The following DAPK1 variants were observed in gnomAD, a reference collection of about 807,000 sequenced individuals.
The protein encoded by DAPK1 is death associated protein kinase 1, also known as death-associated protein kinase 1.
DAPK1 carries 56 observed loss-of-function variants against 144.9 expected under a neutral mutation model. The ratio of observed to expected loss-of-function variants is 0.39; its 90% CI spans 0.31 to 0.48. DAPK1 has a LOEUF of 0.48. Ranked by LOEUF, DAPK1 falls within the 20% of genes least tolerant of loss-of-function variation. DAPK1 has a pLI of 0.95. For missense variants in DAPK1, 1,454 were observed against 1,875.4 expected, an observed-to-expected ratio of 0.78 and a Z score of 4.15; for synonymous variants, 690 against 749.0, an observed-to-expected ratio of 0.92 and a Z score of 1.29.
At chr9:87,509,292 T>A (rs1253024608) in intron 2 of DAPK1, among the ~76,000 whole-genome samples, 1 of 152,252 alleles carries the variant, frequency 6.6e-6, no homozygotes, top group Non-Finnish European at 1.5e-5. Flanking sequence ...TAAAAAGTTA[T>A]TTATTACCTT....
At position 87,668,577 on chromosome 9, in the gene DAPK1, A is replaced by T. The variant is rs1180032710; in HGVS notation, c.1924-20A>T. ...CTCTCCTTTTCAGAGAAAAGAAACT[A>T]ATGCATTTTTCTCCAACAGGACGGA... On this transcript the variant is annotated intron_variant, in intron 18 of 25. Transcript: ENST00000408954. 7 of 1,129,300 alleles carry T rather than the reference A, an allele frequency of 6.2e-6. No individual in the cohort carries two copies. The South Asian group carries it at 8.6e-5, about 14-fold the overall frequency. The allele number at this position is 1,129,300 out of a possible 1,614,324, so 70.0% of individuals were successfully genotyped here.
At chr9:87,576,896 G>A (rs1398036651) in intron 2 of DAPK1, among the ~76,000 whole-genome samples, 1 of 152,152 alleles carries the variant, frequency 6.6e-6, no homozygotes, top group East Asian at 1.9e-4. Flanking sequence ...AATAGAAATG[G>A]CAGTGCCCTC....
intron 18 of DAPK1, among the ~76,000 whole-genome samples, chr9:87,662,560 G>GTTTTTTTTTTTTTTTTTCTTTTTTT (rs1830889587): frequency 3.1e-5 from 1 of 32,154 alleles, no homozygotes; most frequent in Non-Finnish European, 5.1e-5. Context: ...TATATTCCTA[G>GTTTTTTTTTTTTTTTTTCTTTTTTT]TTTTTTTTTT....
rs1202800284 is a variant in DAPK1, at chr9:87,651,571, G to A, written c.1671G>A (p.Met557Ile). Residue 557 changes from methionine to isoleucine, a missense_variant, in exon 17 of 26, where the codon ATG (methionine) becomes ATA (isoleucine). Physicochemically the swap from Met to Ile is conservative, Grantham distance 10. Around this residue, in one of 2 missense-constraint regions of DAPK1, gnomAD observed 1,025 missense variants for 1,237.9 expected, o/e 0.83. Transcript: ENST00000408954. Reference sequence around the variant, plus strand: ...ATCTGGCTGTAAGACGGTGTCAGATGGAGGTAATCAAGACTCTCCTCAGCC... The same window carrying A: ...ATCTGGCTGTAAGACGGTGTCAGATAGAGGTAATCAAGACTCTCCTCAGCC... ...ALHLAVRRCQ[M>I]EVIKTLLSQG... is the part of the protein sequence containing the mutation. The A allele has an allele frequency of 1.2e-6, 2 of 1,614,078 alleles. No homozygotes were observed. Among genetic ancestry groups the A allele is most frequent in the Non-Finnish European group, 1.7e-6 (2 of 1,180,042 alleles).
intron 2 of DAPK1, among the ~76,000 whole-genome samples, chr9:87,576,164 G>A (rs559090231): frequency 2.6e-5 from 4 of 152,248 alleles, no homozygotes; most frequent in South Asian, 4.2e-4. Context: ...GTACACACAC[G>A]TGCACACACG....
At chr9:87,576,584 GTCTC>G (rs962571622) in intron 2 of DAPK1, among the ~76,000 whole-genome samples, 1 of 152,068 alleles carries the variant, frequency 6.6e-6, no homozygotes, top group Non-Finnish European at 1.5e-5. Flanking sequence ...TTGAGACGGA[GTCTC>G]TCTCTATTTC....
intron 3 of DAPK1, among the ~76,000 whole-genome samples, chr9:87,628,773 C>T (rs1220701031): frequency 6.6e-6 from 1 of 152,116 alleles, no homozygotes; most frequent in East Asian, 1.9e-4. Flanking sequence ...TACTTAAACC[C>T]CAAGGAGAGC....
chr9:87,614,319 AGT>A (rs1228764144), intron 3 of DAPK1, among the ~76,000 whole-genome samples: 2 of 152,210 alleles, frequency 1.3e-5, no homozygotes, highest in Admixed American at 6.5e-5. Flanking sequence ...TCATAACTTT[AGT>A]ATCTGCCATG....
intron 2 of DAPK1, among the ~76,000 whole-genome samples, chr9:87,502,625 G>A (rs1286696032): frequency 6.6e-6 from 1 of 152,074 alleles, no homozygotes; most frequent in Non-Finnish European, 1.5e-5. Flanking sequence ...CTTTCCTATT[G>A]CACCATCTGA....
At chr9:87,525,985 T>C (rs1327688785) in intron 2 of DAPK1, among the ~76,000 whole-genome samples, 1 of 152,096 alleles carries the variant, frequency 6.6e-6, no homozygotes, top group Non-Finnish European at 1.5e-5. Context: ...TTTACTGATT[T>C]CTACTAGATT....
chr9:87,636,310 A>C (rs543152717), intron 3 of DAPK1, among the ~76,000 whole-genome samples: 173 of 152,274 alleles, frequency 1.1e-3, no homozygotes, highest in African/African-American at 3.9e-3. Context: ...TGGACTGCTC[A>C]CAGGAGGGTG....
intron 2 of DAPK1, among the ~76,000 whole-genome samples, chr9:87,504,005 C>T (rs2118024403): frequency 6.6e-6 from 1 of 152,304 alleles, no homozygotes; most frequent in East Asian, 1.9e-4. Context: ...CTTCTCTAGA[C>T]CGGTTTACTG....
chr9:87,498,729 G>A lies in DAPK1; in HGVS notation c.-108-241G>A, dbSNP rs945958267. ...GGTTCTGATCCCAACAGACCGCCCA[G>A]CGTTTGGGGACGCCGACCTCGGGGT... On this transcript the variant is annotated intron_variant, in intron 1 of 25. Coordinates refer to ENST00000408954, the MANE Select transcript of DAPK1 (RefSeq NM_004938.4). 1.4e-5 allele frequency: 6 copies of A among 433,186 alleles called. No individual in the cohort carries two copies. The South Asian group carries it at 2.4e-4, about 17-fold the overall frequency. The allele number at this position is 433,186 out of a possible 1,614,324, so 26.8% of individuals were successfully genotyped here.
intron 16 of DAPK1, 68 bp from the exon 17 acceptor site, chr9:87,651,459 A>C: frequency 6.7e-7 from 1 of 1,493,188 alleles, no homozygotes; most frequent in Non-Finnish European, 9.3e-7. Flanking sequence ...TGGCGGCAGA[A>C]AAGGTGAAGA....
intron 18 of DAPK1, among the ~76,000 whole-genome samples, chr9:87,665,431 C>CA (rs1427721535): frequency 2.6e-5 from 4 of 152,172 alleles, no homozygotes; most frequent in African/African-American, 9.7e-5. Flanking sequence ...TGTAGGTTAA[C>CA]AAAAAATCCA....
At chr9:87,540,183 C>CTTTTT (rs33925780) in intron 2 of DAPK1, among the ~76,000 whole-genome samples, 30 of 66,184 alleles carry the variant, frequency 4.5e-4, no homozygotes, top group African/African-American at 1.3e-3. Flanking sequence ...TTGTTAATCT[C>CTTTTT]TTTTTTTTTT....
intron 2 of DAPK1, among the ~76,000 whole-genome samples, chr9:87,550,858 T>C (rs969622405): frequency 2.0e-5 from 3 of 152,238 alleles, no homozygotes; most frequent in Non-Finnish European, 2.9e-5. Flanking sequence ...GGTGCCGTTT[T>C]TGGCTGTCGT....
chr9:87,588,323 G>A (rs997991235), intron 2 of DAPK1, among the ~76,000 whole-genome samples: 1 of 152,162 alleles, frequency 6.6e-6, no homozygotes, highest in African/African-American at 2.4e-5. Flanking sequence ...CTTGAATATA[G>A]ACACAGCGGT....
intron 2 of DAPK1, among the ~76,000 whole-genome samples, chr9:87,577,218 C>T (rs1367982255): frequency 6.6e-6 from 1 of 152,138 alleles, no homozygotes; most frequent in Non-Finnish European, 1.5e-5. Flanking sequence ...TTTTCATCAT[C>T]GCCTGGAAAC....
Sources: allele counts gnomAD v4.1 joint callset (sites outside exome capture counted in the v4.1 genomes callset), GRCh38; gene constraint gnomAD v4.1.1; regional missense constraint gnomAD v4.1.1; transcripts MANE v1.5; gene names NCBI Gene and HGNC (gene_info 2026-07-23, HGNC 2026-07-21).